The following CDH12 variants were observed in gnomAD, a reference collection of about 807,000 sequenced individuals.
CDH12 encodes the protein cadherin 12.
A neutral mutation model predicts 74.1 loss-of-function variants in CDH12; 41 were observed. That is an observed-to-expected ratio of 0.55 (90% CI 0.43 to 0.72). The LOEUF is 0.72. Ranked by LOEUF, CDH12 falls within the 30% of genes least tolerant of loss-of-function variation. The pLI is 0.00. For synonymous variants in CDH12, 399 were observed against 355.0 expected (o/e 1.12, Z -1.39); for missense variants, 945 against 977.2 (o/e 0.97, Z 0.44).
rs573217672 is a variant in CDH12 at position 22,387,465 on chromosome 5, A to G, written c.-333+17792T>C. ...TTTTAGACCAAACCTGTCCCTATCC[A>G]CCTTTGTTAGAGTGGCTTTGACTGA... is the stretch of plus-strand genomic sequence containing the variant. On this transcript the variant is annotated intron_variant, in intron 3 of 14. Transcript: ENST00000382254. Among the ~76,000 whole-genome samples, 3 of 152,146 alleles carry G rather than the reference A, an allele frequency of 2.0e-5. No individual in the cohort carries two copies. In the East Asian group the frequency reaches 5.8e-4, roughly 29 times the overall value.
intron 10 of CDH12, among the ~76,000 whole-genome samples, chr5:21,792,084 A>C (rs895539276): frequency 2.6e-5 from 4 of 151,984 alleles, no homozygotes; most frequent in Non-Finnish European, 5.9e-5. Context: ...CTTTACTCTT[A>C]TCTCTTCTTA....
In CDH12 at chr5:22,798,719, TCTTA is replaced by T. The variant is rs550750677; in HGVS notation, c.-523+54335_-523+54338del. Among the ~76,000 whole-genome samples, 47 of 152,346 alleles carry T rather than the reference TCTTA, an allele frequency of 3.1e-4. No homozygotes were observed. In the South Asian group the frequency reaches 8.9e-3, roughly 29 times the overall value. ...AGTTTTATATATTACAAATGAATAT[TCTTA>T]CTTAATAATGGAAACCCTTTATCAA... On this transcript the variant is annotated intron_variant, in intron 1 of 14. Transcript: ENST00000382254.
At position 22,648,634 on chromosome 5, in the gene CDH12, T is replaced by C. The variant is rs184238064; in HGVS notation, c.-522-143270A>G. Among the ~76,000 whole-genome samples, 8 of 152,042 alleles carry C rather than the reference T, an allele frequency of 5.3e-5. 1 individual carries two copies. The South Asian group carries it at 1.4e-3, about 28-fold the overall frequency. ...ACTTAAAAGTTAAATATATTTCTTATAGACACAGGTACAGATATATGATTT... is the reference window on the plus strand; with the variant it reads ...ACTTAAAAGTTAAATATATTTCTTACAGACACAGGTACAGATATATGATTT... On this transcript the variant is annotated intron_variant, in intron 1 of 14. Transcript: ENST00000382254.
chr5:22,055,295 C>T (rs1740661445), intron 5 of CDH12, among the ~76,000 whole-genome samples: 1 of 152,134 alleles, frequency 6.6e-6, no homozygotes, highest in Admixed American at 6.6e-5. Flanking sequence ...ATTCTGCTCA[C>T]CTGGCATACA....
At chr5:21,988,441 A>C (rs1757606405) in intron 5 of CDH12, among the ~76,000 whole-genome samples, 1 of 147,158 alleles carries the variant, frequency 6.8e-6, no homozygotes, top group African/African-American at 2.6e-5. Flanking sequence ...GCAGTGAGCC[A>C]AGATCATTGC....
At chr5:22,060,261 T>G (rs1248972582) in intron 5 of CDH12, among the ~76,000 whole-genome samples, 1 of 151,464 alleles carries the variant, frequency 6.6e-6, no homozygotes, top group Non-Finnish European at 1.5e-5. Context: ...AAGTGGGAGA[T>G]TAACAATAAG....
chr5:22,779,960 A>C (rs1364176864), intron 1 of CDH12, among the ~76,000 whole-genome samples: 1 of 152,210 alleles, frequency 6.6e-6, no homozygotes, highest in Non-Finnish European at 1.5e-5. Context: ...TACACATTTA[A>C]TACATTTTAA....
chr5:22,121,309 G>A (rs1394841475), intron 4 of CDH12, among the ~76,000 whole-genome samples: 1 of 152,128 alleles, frequency 6.6e-6, no homozygotes, highest in Non-Finnish European at 1.5e-5. Context: ...GATCAGGTAT[G>A]TTTGCAAGCA....
intron 3 of CDH12, among the ~76,000 whole-genome samples, chr5:22,289,536 A>G (rs1011435493): frequency 6.6e-6 from 1 of 152,244 alleles, no homozygotes; most frequent in African/African-American, 2.4e-5. Context: ...ATCTTCAGCA[A>G]TAGTCCTTCC....
intron 3 of CDH12, among the ~76,000 whole-genome samples, chr5:22,272,196 C>CTGCTT (rs1272757440): frequency 6.6e-6 from 1 of 152,210 alleles, no homozygotes; most frequent in African/African-American, 2.4e-5. Context: ...TCAGCACTTG[C>CTGCTT]TGCTTCACCT....
chr5:22,114,261 G>A (rs1744967756), intron 4 of CDH12, among the ~76,000 whole-genome samples: 2 of 151,962 alleles, frequency 1.3e-5, no homozygotes, highest in African/African-American at 4.8e-5. Flanking sequence ...AGTGTGATTG[G>A]TACTGTGTGC....
chr5:22,163,303 C>A (rs1748473000), intron 4 of CDH12, among the ~76,000 whole-genome samples: 1 of 152,132 alleles, frequency 6.6e-6, no homozygotes, highest in Non-Finnish European at 1.5e-5. Flanking sequence ...AATATGATGA[C>A]CACTTCCAAA....
intron 10 of CDH12, 78 bp from the exon 11 acceptor site, chr5:21,783,572 G>T: frequency 9.2e-7 from 1 of 1,090,132 alleles, no homozygotes; most frequent in Non-Finnish European, 1.4e-6. Flanking sequence ...ACTTGACACA[G>T]TTCCTTATTT....
At chr5:22,748,480 G>A (rs1269242795) in intron 1 of CDH12, among the ~76,000 whole-genome samples, 3 of 152,062 alleles carry the variant, frequency 2.0e-5, no homozygotes, top group Non-Finnish European at 4.4e-5. Flanking sequence ...TCAAAACATT[G>A]ACCTGCTCAG....
At chr5:22,277,539 A>G (rs1426688954) in intron 3 of CDH12, among the ~76,000 whole-genome samples, 2 of 152,126 alleles carry the variant, frequency 1.3e-5, no homozygotes, top group Admixed American at 1.3e-4. Flanking sequence ...TTCTGATTAA[A>G]AAAAAACAAC....
chr5:22,808,762 GT>G (rs70959757), intron 1 of CDH12, among the ~76,000 whole-genome samples: 27,345 of 41,568 alleles, frequency 0.66, 9,996 homozygotes, highest in Non-Finnish European at 0.78. Context: ...ACCACACCTG[GT>G]TTTTTTTTTT....
At chr5:21,975,026 C>T (rs1444120621) in intron 6 of CDH12, 65 bp downstream of exon 6, 44 of 944,214 alleles carry the variant, frequency 4.7e-5, no homozygotes, top group Non-Finnish European at 6.5e-5. Flanking sequence ...TTTACATCAA[C>T]CTGCAAAAAG....
intron 6 of CDH12, among the ~76,000 whole-genome samples, chr5:21,950,610 C>A (rs1283291054): frequency 1.3e-5 from 2 of 151,332 alleles, no homozygotes; most frequent in East Asian, 1.9e-4. Context: ...ATTTGTACCC[C>A]ATAAATAAAT....
chr5:22,086,094 A>T (rs931118847), intron 4 of CDH12, among the ~76,000 whole-genome samples: 3 of 152,178 alleles, frequency 2.0e-5, no homozygotes, highest in African/African-American at 7.2e-5. Context: ...TGGTATAGCA[A>T]ACCCTTAACA....
Sources: gnomAD v4.1 joint callset for allele counts (sites outside exome capture counted in the v4.1 genomes callset) on GRCh38, gnomAD v4.1.1 for gene constraint, MANE v1.5 for transcripts, NCBI Gene and HGNC (gene_info 2026-07-23, HGNC 2026-07-21) for gene names.